Variants in SPOCK3 observed in about 807,000 individuals in gnomAD.
SPOCK3 encodes SPARC (osteonectin), cwcv and kazal like domains proteoglycan 3, also known as testican-3.
Under a neutral mutation model 56.6 loss-of-function variants are expected in SPOCK3, and 30 were observed. The ratio of observed to expected loss-of-function variants is 0.53; its 90% CI spans 0.40 to 0.72. The LOEUF is 0.72. Among genes scored for constraint, SPOCK3 ranks in the 30% least tolerant of loss-of-function variants. The pLI is 0.00. For missense variants in SPOCK3, 527 were observed against 530.0 expected, an observed-to-expected ratio of 0.99 and a Z score of 0.06; for synonymous variants, 196 against 183.3, an observed-to-expected ratio of 1.07 and a Z score of -0.56.
chr4:167,169,087 C>T (rs1414540203), intron 2 of SPOCK3, among the ~76,000 whole-genome samples: 1 of 152,164 alleles, frequency 6.6e-6, no homozygotes, highest in African/African-American at 2.4e-5. Flanking sequence ...TATGGAAATG[C>T]CTGGATGCCC....
At chr4:166,777,445 T>C (rs1346525142) in intron 7 of SPOCK3, among the ~76,000 whole-genome samples, 1 of 152,160 alleles carries the variant, frequency 6.6e-6, no homozygotes, top group East Asian at 1.9e-4. Context: ...ACTTAGATTC[T>C]GAGAGATTGA....
At chr4:166,910,149 C>T (rs531098162) in intron 5 of SPOCK3, among the ~76,000 whole-genome samples, 1 of 152,146 alleles carries the variant, frequency 6.6e-6, no homozygotes, top group South Asian at 2.1e-4. Context: ...AGTCTCATTG[C>T]TGTCAATGCA....
chr4:167,006,926 G>A (rs533119985), intron 3 of SPOCK3, among the ~76,000 whole-genome samples: 69 of 152,078 alleles, frequency 4.5e-4, no homozygotes, highest in Non-Finnish European at 1.5e-4. Context: ...GCATGGCCAC[G>A]TCCAAGGATT....
At chr4:166,801,890 T>C (rs1387586576) in intron 6 of SPOCK3, among the ~76,000 whole-genome samples, 2 of 152,088 alleles carry the variant, frequency 1.3e-5, no homozygotes, top group Non-Finnish European at 2.9e-5. Context: ...ATGTGTAATC[T>C]ACAGAATAGC....
At chr4:166,766,770 C>A (rs1259300672) in intron 7 of SPOCK3, among the ~76,000 whole-genome samples, 1 of 152,144 alleles carries the variant, frequency 6.6e-6, no homozygotes, top group African/African-American at 2.4e-5. Flanking sequence ...ATGGTACCAT[C>A]TCCTCCTTGT....
At chr4:167,176,181 T>C (rs982927641) in intron 2 of SPOCK3, among the ~76,000 whole-genome samples, 2 of 152,150 alleles carry the variant, frequency 1.3e-5, no homozygotes, top group African/African-American at 4.8e-5. Context: ...ATGACCCTTG[T>C]GATTACATTG....
At chr4:166,878,620 C>G (rs1043249347) in intron 6 of SPOCK3, among the ~76,000 whole-genome samples, 12 of 151,952 alleles carry the variant, frequency 7.9e-5, no homozygotes, top group Admixed American at 7.9e-4. Context: ...CTTTATATAT[C>G]TCTGCTTGGT....
At chr4:167,104,595 T>C (rs761328925) in intron 2 of SPOCK3, among the ~76,000 whole-genome samples, 10 of 150,690 alleles carry the variant, frequency 6.6e-5, no homozygotes, top group Non-Finnish European at 1.3e-4. Context: ...ATCTAGAAAA[T>C]AGACAACAAA....
At chr4:166,814,994 C>T (rs1395139951) in intron 6 of SPOCK3, among the ~76,000 whole-genome samples, 1 of 151,972 alleles carries the variant, frequency 6.6e-6, no homozygotes, top group Non-Finnish European at 1.5e-5. Flanking sequence ...TGTCTTGAAC[C>T]TGATGGAGCT....
At chr4:167,067,132 G>T (rs1031844361) in intron 2 of SPOCK3, among the ~76,000 whole-genome samples, 1 of 151,722 alleles carries the variant, frequency 6.6e-6, no homozygotes, top group East Asian at 1.9e-4. Flanking sequence ...GCCTACCGAT[G>T]AACATAAAAA....
chr4:166,879,135 G>A (rs1560964985), intron 6 of SPOCK3, among the ~76,000 whole-genome samples: 1 of 152,092 alleles, frequency 6.6e-6, no homozygotes, highest in African/African-American at 2.4e-5. Context: ...TGTAGATGGA[G>A]AAGGCAGAAA....
At chr4:167,083,758 T>G (rs1272055753) in intron 2 of SPOCK3, among the ~76,000 whole-genome samples, 3 of 152,112 alleles carry the variant, frequency 2.0e-5, no homozygotes, top group African/African-American at 7.2e-5. Flanking sequence ...TTATAGAAAC[T>G]TATACAAGTT....
intron 2 of SPOCK3, among the ~76,000 whole-genome samples, chr4:167,105,266 T>G (rs1206667969): frequency 6.6e-6 from 1 of 151,810 alleles, no homozygotes; most frequent in Admixed American, 6.6e-5. Context: ...TACAATAAGA[T>G]ATAAATAGAA....
chr4:167,108,563 G>A (rs543463073), intron 2 of SPOCK3, among the ~76,000 whole-genome samples: 3 of 151,716 alleles, frequency 2.0e-5, no homozygotes, highest in South Asian at 4.1e-4. Context: ...ACAGAGAGAT[G>A]AAACTTCACA....
Position 167,212,324 on chromosome 4 carries a change from C to CT in SPOCK3, c.189+21660dup, listed in dbSNP as rs1376177140. Among the ~76,000 whole-genome samples the CT allele has an allele frequency of 4.7e-5, 7 of 149,514 alleles. No homozygotes were observed. The East Asian group carries it at 1.4e-3, about 30-fold the overall frequency. On this transcript the variant is annotated intron_variant, in intron 2 of 10. Transcript: ENST00000357545. Reference sequence around the variant, plus strand: ...TGGTGTGATCTCGGCTCACAGCAACCTCCGCCTTCCAGTTGCAAGAGAATT... The same window carrying CT: ...TGGTGTGATCTCGGCTCACAGCAACCTTCCGCCTTCCAGTTGCAAGAGAATT...
At chr4:166,840,860 G>T (rs553374985) in intron 6 of SPOCK3, among the ~76,000 whole-genome samples, 1 of 143,546 alleles carries the variant, frequency 7.0e-6, no homozygotes, top group Admixed American at 7.2e-5. Flanking sequence ...GTCACTGCAA[G>T]GTCCGCCTCC....
chr4:167,226,825 G>A (rs1452576166), intron 2 of SPOCK3, among the ~76,000 whole-genome samples: 2 of 152,008 alleles, frequency 1.3e-5, no homozygotes, highest in Admixed American at 6.6e-5. Flanking sequence ...CCCAGGCCTG[G>A]ACACCCGTTT....
chr4:166,838,489 T>A (rs1208797863), intron 6 of SPOCK3, among the ~76,000 whole-genome samples: 1 of 152,008 alleles, frequency 6.6e-6, no homozygotes. Context: ...TTGAGTTTTT[T>A]ATTTTGGTTT....
intron 6 of SPOCK3, among the ~76,000 whole-genome samples, chr4:166,869,029 T>A (rs772476219): frequency 1.3e-5 from 2 of 152,150 alleles, no homozygotes; most frequent in African/African-American, 4.8e-5. Flanking sequence ...TTTAGTTAGA[T>A]GGGAGAACTG....
Sources: allele counts gnomAD v4.1 joint callset (sites outside exome capture counted in the v4.1 genomes callset), GRCh38; gene constraint gnomAD v4.1.1; transcripts MANE v1.5; gene names NCBI Gene and HGNC (gene_info 2026-07-23, HGNC 2026-07-21).